Variants in CEP164 observed in about 807,000 individuals in gnomAD.
CEP164 encodes centrosomal protein of 164 kDa.
A neutral mutation model predicts 182.7 loss-of-function variants in CEP164; 162 were observed. The ratio of observed to expected loss-of-function variants is 0.89; its 90% CI spans 0.78 to 1.01. The LOEUF (loss-of-function observed/expected upper bound fraction) is 1.01. Among genes scored for constraint, CEP164 ranks in the 50% least tolerant of loss-of-function variants. CEP164 has a pLI of 0.00. For missense variants in CEP164, 1,735 were observed against 1,790.4 expected, an observed-to-expected ratio of 0.97 and a Z score of 0.56; for synonymous variants, 661 against 690.0, an observed-to-expected ratio of 0.96 and a Z score of 0.66.
chr11:117,351,937 A>T lies in CEP164; in HGVS notation c.342A>T (p.Lys114Asn). ...CTGGGGCCATTAAGAAGAAGAAAAA[A>T]AAAAAGGAAAAGAAAGACAAGAAGG... Reference protein sequence around the residue: ...STSGAIKKKKKKKEKKDKKDR... With the variant: ...STSGAIKKKKNKKEKKDKKDR... Residue 114 changes from lysine to asparagine, a missense_variant, in exon 5 of 33, where the codon AAA (lysine) becomes AAT (asparagine). Lys to Asn is a moderately conservative substitution (Grantham distance 94, BLOSUM62 0). Transcript: ENST00000278935. 1 of 1,612,976 alleles carries T rather than the reference A, an allele frequency of 6.2e-7. No homozygotes were observed. The highest frequency in any genetic ancestry group is 1.3e-5 in the African/African-American group (1 of 74,912).
chr11:117,387,416 C>T lies in CEP164; in HGVS notation c.1934+4C>T. Reference sequence around the variant, plus strand: ...AGCAGAAAGAGCAATCTCTCAGGTCCTGCCCTTCCCCTTAGGCATGCTTCC... The same window carrying T: ...AGCAGAAAGAGCAATCTCTCAGGTCTTGCCCTTCCCCTTAGGCATGCTTCC... On this transcript the variant is annotated splice_donor_region_variant and intron_variant, in intron 15 of 32. Coordinates refer to ENST00000278935, the MANE Select transcript of CEP164 (RefSeq NM_014956.5). 2 of 1,613,834 alleles carry T rather than the reference C, an allele frequency of 1.2e-6. No homozygotes were observed. Among genetic ancestry groups the T allele is most frequent in the Non-Finnish European group, 1.7e-6 (2 of 1,179,874 alleles).
intron 11 of CEP164, among the ~76,000 whole-genome samples, chr11:117,377,232 C>T (rs181182812): frequency 1.3e-5 from 2 of 152,230 alleles, no homozygotes; most frequent in East Asian, 1.9e-4. Context: ...ATGAGGAGTG[C>T]GCAACCTAGA....
At chr11:117,397,372 A>C (rs1028777422) in intron 27 of CEP164, 59 bp downstream of exon 27, 3 of 1,507,676 alleles carry the variant, frequency 2.0e-6, no homozygotes, top group Non-Finnish European at 2.7e-6. Context: ...GGGAGTCAGC[A>C]AAACAGTCCT....
At position 117,355,029 on chromosome 11, in the gene CEP164, A is replaced by C. The variant is rs1056844799; in HGVS notation, c.393+3041A>C. 7 of 1,289,646 alleles carry C rather than the reference A, an allele frequency of 5.4e-6. No homozygotes were observed. In the African/African-American group the frequency reaches 1.1e-4, roughly 20 times the overall value. The allele number at this position is 1,289,646 out of a possible 1,614,324, so 79.9% of individuals were successfully genotyped here. On this transcript the variant is annotated intron_variant, in intron 5 of 32. Transcript: ENST00000278935. ...GGGCTTGCTGATCTGGACCTAGATC[A>C]AGAGATGCAGGCTATAAGTGAGGGA... is the stretch of plus-strand genomic sequence containing the variant.
chr11:117,362,441 G>T lies in CEP164; in HGVS notation c.590G>T (p.Gly197Val), dbSNP rs1565487650. ...QGLKTSAYTK[G>V]LLGSIYEDKT... ...CTCAAGACCTCTGCTTATACAAAGG[G>T]TCTCTTGGGCTCCATATATGAGGAC... The change falls in exon 7 of 33, where the codon GGT (glycine) becomes GTT (valine). Residue 197 changes from glycine to valine, a missense_variant. Coordinates refer to ENST00000278935, the MANE Select transcript of CEP164 (RefSeq NM_014956.5). 2 of 1,613,524 alleles carry T rather than the reference G, an allele frequency of 1.2e-6. No individual in the cohort carries two copies. Among genetic ancestry groups the T allele is most frequent in the African/African-American group, 1.3e-5 (1 of 74,842 alleles).
At chr11:117,402,335 T>C (rs1243336) in intron 27 of CEP164, among the ~76,000 whole-genome samples, 145,175 of 152,110 alleles carry the variant, frequency 0.95, 69,409 homozygotes, top group Non-Finnish European at 0.97. Flanking sequence ...ATTCTCCTGC[T>C]TCAGCCTCCT....
intron 18 of CEP164, 94 bp from the exon 19 acceptor site, chr11:117,392,402 G>A (rs997372733): frequency 4.3e-5 from 68 of 1,565,732 alleles, no homozygotes; most frequent in Non-Finnish European, 5.8e-5. Context: ...AGCCCTGGGG[G>A]ATGGATGCCA....
intron 5 of CEP164, chr11:117,355,460 A>G: frequency 7.8e-7 from 1 of 1,289,794 alleles, no homozygotes; most frequent in Non-Finnish European, 1.0e-6. Flanking sequence ...CCTGCCACTG[A>G]AAGGGGAGCA....
chr11:117,356,286 C>T (rs181189109), intron 5 of CEP164: 201 of 1,100,964 alleles, frequency 1.8e-4, no homozygotes, highest in Middle Eastern at 8.6e-4. Flanking sequence ...TCCAGGTGGC[C>T]GGAGGGCCTG....
intron 5 of CEP164, among the ~76,000 whole-genome samples, chr11:117,361,517 G>A (rs12421494): frequency 0.22 from 32,906 of 151,862 alleles, 3,717 homozygotes; most frequent in African/African-American, 0.27. Flanking sequence ...TAGGATTACA[G>A]GACTGAGCCA....
chr11:117,396,153 T>C lies in CEP164; in HGVS notation c.3189T>C (p.Ile1063=). 1 of 1,593,478 alleles carries C rather than the reference T, an allele frequency of 6.3e-7. No homozygotes were observed. The highest frequency in any genetic ancestry group is 2.3e-5 in the East Asian group (1 of 43,076). ...ASPHFEPDLH[I]EDLRKSLGTN... is the part of the protein sequence containing the mutation. ...CACATTTTGAGCCAGATCTCCATAT[T>C]GAGGACCTGAGGAAATCCCTTGGAA... The change falls in exon 25 of 33, where the codon ATT becomes ATC. Residue 1063 remains isoleucine, a synonymous_variant. Coordinates refer to ENST00000278935, the MANE Select transcript of CEP164 (RefSeq NM_014956.5).
intron 9 of CEP164, among the ~76,000 whole-genome samples, 161 bp from the exon 10 acceptor site, chr11:117,373,590 T>G (rs1180776024): frequency 1.3e-5 from 2 of 152,198 alleles, no homozygotes; most frequent in Non-Finnish European, 2.9e-5. Context: ...CCAGAGAGAA[T>G]GGCGGGGTCC....
intron 3 of CEP164, among the ~76,000 whole-genome samples, chr11:117,339,642 C>T (rs943414195): frequency 1.3e-5 from 2 of 148,382 alleles, no homozygotes; most frequent in Admixed American, 1.4e-4. Flanking sequence ...GAATCTCATG[C>T]CTCAGCCTCC....
At position 117,392,360 on chromosome 11, in the gene CEP164, C is replaced by T; in HGVS notation, c.2361+57C>T. On this transcript the variant is annotated intron_variant, in intron 18 of 32. Transcript: ENST00000278935. Reference sequence around the variant, plus strand: ...GCTGATTAGCAGAATTCAGCCCCATCCCTGGCTACTAGGCAGCGAGCCTCT... The same window carrying T: ...GCTGATTAGCAGAATTCAGCCCCATTCCTGGCTACTAGGCAGCGAGCCTCT... 2.5e-6 allele frequency: 4 copies of T among 1,579,450 alleles called. 1 individual carries two copies. In the South Asian group the frequency reaches 3.5e-5, roughly 14 times the overall value.
intron 10 of CEP164, among the ~76,000 whole-genome samples, chr11:117,374,178 T>C (rs2042505886): frequency 6.6e-6 from 1 of 152,138 alleles, no homozygotes; most frequent in Non-Finnish European, 1.5e-5. Context: ...CCTAGGAGGT[T>C]AGAGACTGGT....
chr11:117,364,696 C>T (rs7124084), intron 8 of CEP164, among the ~76,000 whole-genome samples: 32,934 of 151,762 alleles, frequency 0.22, 3,720 homozygotes, highest in African/African-American at 0.27. Context: ...TGGGGTTTTG[C>T]TATGTTTCCC....
chr11:117,325,730 C>T (rs2035405028), upstream of CEP164, among the ~76,000 whole-genome samples: 1 of 152,006 alleles, frequency 6.6e-6, no homozygotes, highest in Admixed American at 6.6e-5. Flanking sequence ...GATGATTTGT[C>T]ATTTACAGTA....
Position 117,393,146 on chromosome 11 carries a change from T to C in CEP164, c.2616+20T>C, listed in dbSNP as rs1472564640. 3.7e-6 allele frequency: 6 copies of C among 1,608,926 alleles called. No homozygotes were observed. Among genetic ancestry groups the C allele is most frequent in the Non-Finnish European group, 5.1e-6 (6 of 1,177,730 alleles). On this transcript the variant is annotated intron_variant, in intron 20 of 32. Transcript: ENST00000278935. ...GCTGAGGTAGCTCAGCCACATCCCC[T>C]GCGCGCATGCACACACATGCACACA...
intron 3 of CEP164, among the ~76,000 whole-genome samples, chr11:117,339,522 GTTTTTTTT>G (rs61258101): frequency 1.8e-5 from 1 of 56,200 alleles, no homozygotes; most frequent in Admixed American, 3.0e-4. Flanking sequence ...TTTGTTTTTT[GTTTTTTTT>G]TTTTTTTTTT....
Sources: allele counts gnomAD v4.1 joint callset (sites outside exome capture counted in the v4.1 genomes callset), GRCh38; gene constraint gnomAD v4.1.1; transcripts MANE v1.5; gene names NCBI Gene and HGNC (gene_info 2026-07-23, HGNC 2026-07-21).